Variants in IRF8 observed in about 807,000 individuals in gnomAD.
The protein encoded by IRF8 is interferon consensus sequence binding protein 1.
Under a neutral mutation model 48.7 loss-of-function variants are expected in IRF8, and 14 were observed. The ratio of observed to expected loss-of-function variants is 0.29; its 90% CI spans 0.19 to 0.45. The LOEUF is 0.45. Among genes scored for constraint, IRF8 ranks in the 20% least tolerant of loss-of-function variants. The probability of loss-of-function intolerance (pLI) is 1.00; values close to 1 mark genes in which losing one functional copy is unlikely to be tolerated. For synonymous variants in IRF8, 278 were observed against 227.3 expected (o/e 1.22, Z -2.01); for missense variants, 493 against 580.7 (o/e 0.85, Z 1.55).
chr16:85,915,575 A>C (rs1905277302), intron 6 of IRF8, among the ~76,000 whole-genome samples: 1 of 152,166 alleles, frequency 6.6e-6, no homozygotes, highest in South Asian at 2.1e-4. Flanking sequence ...TGAGGCTGGG[A>C]GGTTCAGGAT....
intron 6 of IRF8, 124 bp downstream of exon 6, chr16:85,914,644 C>G (rs1300558578): frequency 9.1e-7 from 1 of 1,098,940 alleles, no homozygotes; most frequent in Non-Finnish European, 1.3e-6. Context: ...AGGCCTGGTT[C>G]CAAGGATGAG....
intron 5 of IRF8, among the ~76,000 whole-genome samples, chr16:85,913,736 G>A (rs1019986000): frequency 2.0e-5 from 3 of 152,210 alleles, no homozygotes; most frequent in Non-Finnish European, 2.9e-5. Context: ...TGAATCCCAC[G>A]CTGGGAAGTT....
chr16:85,911,683 G>C, intron 4 of IRF8, 25 bp downstream of exon 4: 1 of 1,593,592 alleles, frequency 6.3e-7, no homozygotes, highest in Non-Finnish European at 8.6e-7. Flanking sequence ...CATTTCAGGG[G>C]TCTGGCCCTG....
chr16:85,899,579 A>C (rs1904759732), intron 1 of IRF8, among the ~76,000 whole-genome samples: 2 of 152,334 alleles, frequency 1.3e-5, no homozygotes, highest in African/African-American at 4.8e-5. Flanking sequence ...TCCCACTGAA[A>C]TTCTACCACG....
intron 8 of IRF8, 43 bp downstream of exon 8, chr16:85,920,267 G>A (rs771649047): frequency 5.0e-6 from 5 of 999,066 alleles, no homozygotes; most frequent in Admixed American, 2.4e-5. Context: ...TTTTTTTTGA[G>A]ATGGAGTCTT....
At chr16:85,908,514 C>T (rs528432140) in intron 2 of IRF8, among the ~76,000 whole-genome samples, 11 of 152,246 alleles carry the variant, frequency 7.2e-5, no homozygotes, top group South Asian at 6.2e-4. Context: ...AGTAACAGGG[C>T]GATGGATGAC....
chr16:85,913,108 C>A, intron 4 of IRF8, 23 bp from the exon 5 acceptor site: 1 of 1,572,634 alleles, frequency 6.4e-7, no homozygotes, highest in Admixed American at 1.7e-5. Context: ...AGCTGCCCTC[C>A]TCTCCCTCCC....
chr16:85,919,210 T>C (rs1307540671), intron 7 of IRF8, among the ~76,000 whole-genome samples: 2 of 152,178 alleles, frequency 1.3e-5, no homozygotes, highest in African/African-American at 4.8e-5. Flanking sequence ...GGGATCTGTG[T>C]ACAGGTTTTG....
chr16:85,901,662 G>A (rs1208333597), intron 1 of IRF8, among the ~76,000 whole-genome samples: 1 of 152,028 alleles, frequency 6.6e-6, no homozygotes, highest in African/African-American at 2.4e-5. Flanking sequence ...ATCCATAAAC[G>A]CACAACTGAG....
At chr16:85,899,482 T>A (rs531133808) in intron 1 of IRF8, among the ~76,000 whole-genome samples, 1 of 152,366 alleles carries the variant, frequency 6.6e-6, no homozygotes, top group African/African-American at 2.4e-5. Flanking sequence ...CTCATTTTTC[T>A]TTAAATCTGG....
chr16:85,916,814 G>T (rs1286981465), intron 6 of IRF8, among the ~76,000 whole-genome samples: 3 of 152,228 alleles, frequency 2.0e-5, no homozygotes, highest in African/African-American at 7.2e-5. Flanking sequence ...GACTTGGCGT[G>T]GGGGGAAGAT....
intron 7 of IRF8, among the ~76,000 whole-genome samples, chr16:85,919,305 A>G (rs1390458345): frequency 1.3e-5 from 2 of 152,176 alleles, no homozygotes; most frequent in Non-Finnish European, 2.9e-5. Flanking sequence ...GTTACGCTGT[A>G]GGGAGGATGT....
At chr16:85,899,565 A>T (rs533136047) in intron 1 of IRF8, among the ~76,000 whole-genome samples, 1 of 152,292 alleles carries the variant, frequency 6.6e-6, no homozygotes, top group East Asian at 1.9e-4. Context: ...AACGCGCTCT[A>T]TCATCCCACT....
intron 1 of IRF8, among the ~76,000 whole-genome samples, chr16:85,900,309 T>G (rs2152097704): frequency 6.6e-6 from 1 of 152,324 alleles, no homozygotes; most frequent in Admixed American, 6.5e-5. Flanking sequence ...GACTGCTGTA[T>G]ACATTTCTAG....
At chr16:85,904,585 T>G (rs1056810094) in intron 2 of IRF8, among the ~76,000 whole-genome samples, 1 of 152,196 alleles carries the variant, frequency 6.6e-6, no homozygotes, top group Non-Finnish European at 1.5e-5. Context: ...GTTGCTGATC[T>G]TCTTGAGAAT....
Position 85,921,201 on chromosome 16 carries a change from C to T in IRF8, c.1200C>T (p.Asp400=). The T allele has an allele frequency of 6.2e-7, 1 of 1,614,224 alleles. No individual in the cohort carries two copies. ...VMQAPEEPPP[D]QVFRMFPDIC... is the part of the protein sequence containing the mutation. ...AGGCCCCCGAGGAGCCGCCGCCAGA[C>T]CAGGTCTTCCGGATGTTTCCAGATA... Residue 400 remains aspartate (D), a synonymous_variant, in exon 9 of 9, where the codon GAC becomes GAT. Coordinates refer to ENST00000268638, the MANE Select transcript of IRF8 (RefSeq NM_002163.4).
chr16:85,918,385 C>T (rs368754394), intron 6 of IRF8, 32 bp from the exon 7 acceptor site: 4 of 1,590,996 alleles, frequency 2.5e-6, no homozygotes, highest in South Asian at 2.2e-5. Context: ...TGTCTCCCCG[C>T]AGCACCGTCA....
chr16:85,903,005 T>G lies in IRF8; in HGVS notation c.-1-10T>G. The stretch of plus-strand genomic sequence containing the variant: ...CGTAATATCACAGCGTGTATTTCTG[T>G]CTTTCCAAGGATGTGTGACCGGAAT... On this transcript the variant is annotated splice_polypyrimidine_tract_variant and intron_variant, in intron 1 of 8. Transcript: ENST00000268638. 1.2e-6 allele frequency: 2 copies of G among 1,614,048 alleles called. No individual in the cohort carries two copies. Among genetic ancestry groups the G allele is most frequent in the Non-Finnish European group, 1.7e-6 (2 of 1,179,922 alleles).
At position 85,903,166 on chromosome 16, in the gene IRF8, G is replaced by C; in HGVS notation, c.151G>C (p.Glu51Gln). 1 of 1,614,156 alleles carries C rather than the reference G, an allele frequency of 6.2e-7. No individual in the cohort carries two copies. The highest frequency in any genetic ancestry group is 8.5e-7 in the Non-Finnish European group (1 of 1,180,024). ...KHAGKQDYNQ[E>Q]VDASIFKAWA... The stretch of plus-strand genomic sequence containing the variant: ...CGCTGGCAAGCAAGATTATAATCAG[G>C]AAGTGGATGCCTCCATTTTTAAGGT... The change falls in exon 2 of 9, where the codon GAA becomes CAA. Residue 51 changes from glutamate to glutamine, a missense_variant. By Grantham distance (29) the Glu-to-Gln change is conservative. Around this residue, in one of 3 missense-constraint regions of IRF8, gnomAD observed 31 missense variants for 71.2 expected, o/e 0.44. Transcript: ENST00000268638.
Sources: gnomAD v4.1 joint callset for allele counts (sites outside exome capture counted in the v4.1 genomes callset) on GRCh38, gnomAD v4.1.1 for gene constraint, gnomAD v4.1.1 regional missense constraint, MANE v1.5 for transcripts, NCBI Gene and HGNC (gene_info 2026-07-23, HGNC 2026-07-21) for gene names.